Variants in CDH9 observed in about 807,000 individuals in gnomAD.
CDH9 encodes the protein cadherin-9.
In CDH9, 28 loss-of-function variants were observed where a neutral mutation model predicts 70.9. The ratio of observed to expected loss-of-function variants is 0.40; its 90% CI spans 0.29 to 0.54. CDH9 has a LOEUF of 0.54. Ranked by LOEUF, CDH9 falls within the 20% of genes least tolerant of loss-of-function variation. The probability of loss-of-function intolerance (pLI) is 0.59; values close to 1 mark genes in which losing one functional copy is unlikely to be tolerated. For synonymous variants in CDH9, 409 were observed against 343.1 expected (o/e 1.19, Z -2.12); for missense variants, 874 against 984.4 (o/e 0.89, Z 1.50).
intron 1 of CDH9, among the ~76,000 whole-genome samples, chr5:27,011,850 ATCTC>A (rs898472441): frequency 6.6e-5 from 10 of 151,978 alleles, no homozygotes; most frequent in African/African-American, 2.4e-4. Flanking sequence ...CAAGGCACCA[ATCTC>A]TCTCTCTGCC....
chr5:26,952,936 ACAGT>A (rs1741879784), intron 2 of CDH9, among the ~76,000 whole-genome samples: 2 of 151,086 alleles, frequency 1.3e-5, no homozygotes, highest in African/African-American at 2.4e-5. Context: ...TAAAGAGAAT[ACAGT>A]CAAAGTTGAA....
intron 1 of CDH9, among the ~76,000 whole-genome samples, chr5:27,009,583 T>C (rs1561039001): frequency 6.6e-6 from 1 of 152,088 alleles, no homozygotes; most frequent in African/African-American, 2.4e-5. Flanking sequence ...TTCATTAACC[T>C]CATTGGCCAG....
intron 2 of CDH9, among the ~76,000 whole-genome samples, chr5:26,918,764 T>C (rs1373559792): frequency 6.6e-6 from 1 of 152,202 alleles, no homozygotes; most frequent in Non-Finnish European, 1.5e-5. Flanking sequence ...TCAGACTCGA[T>C]GTGGAACTCA....
At chr5:26,910,374 T>C (rs1048589144) in intron 3 of CDH9, among the ~76,000 whole-genome samples, 2 of 152,194 alleles carry the variant, frequency 1.3e-5, no homozygotes, top group African/African-American at 4.8e-5. Flanking sequence ...ACAGATAGTA[T>C]AGAGAAGGGG....
At chr5:27,014,188 T>C (rs1203756684) in intron 1 of CDH9, among the ~76,000 whole-genome samples, 1 of 151,914 alleles carries the variant, frequency 6.6e-6, no homozygotes, top group African/African-American at 2.4e-5. Flanking sequence ...AAATAGAAAT[T>C]AATATACAAG....
chr5:26,932,642 C>T (rs1741482386), intron 2 of CDH9, among the ~76,000 whole-genome samples: 1 of 152,056 alleles, frequency 6.6e-6, no homozygotes, highest in Non-Finnish European at 1.5e-5. Context: ...CTATATTTGA[C>T]TTTATATTTA....
intron 7 of CDH9, among the ~76,000 whole-genome samples, chr5:26,901,814 A>T (rs958536332): frequency 6.6e-6 from 1 of 151,844 alleles, no homozygotes; most frequent in African/African-American, 2.4e-5. Flanking sequence ...AAAATGGTGA[A>T]AACTATTCAA....
intron 2 of CDH9, among the ~76,000 whole-genome samples, chr5:26,986,893 T>A (rs1332832155): frequency 1.3e-5 from 2 of 151,884 alleles, no homozygotes; most frequent in East Asian, 3.9e-4. Context: ...TGGGGCGGAA[T>A]GAGCATGACC....
At chr5:26,999,206 TC>T (rs1468075481) in intron 1 of CDH9, among the ~76,000 whole-genome samples, 3 of 151,636 alleles carry the variant, frequency 2.0e-5, no homozygotes, top group African/African-American at 7.3e-5. Context: ...GATCATGCCC[TC>T]CAGCCTGGTG....
rs543413014 is a variant in CDH9 at position 26,925,445 on chromosome 5, A to ATCAG, written c.229-9525_229-9522dup. Among the ~76,000 whole-genome samples the ATCAG allele has an allele frequency of 4.0e-3, 608 of 152,236 alleles. 7 individuals carry two copies. The highest frequency in any genetic ancestry group is 0.014 in the African/African-American group (583 of 41,534). On this transcript the variant is annotated intron_variant, in intron 2 of 11. Coordinates refer to ENST00000231021, the MANE Select transcript of CDH9 (RefSeq NM_016279.4). The stretch of plus-strand genomic sequence containing the variant: ...TTTAAGTTCTTTGTAGATTCTAGAT[A>ATCAG]TCAGCCCTTTGTCAGATGGGTAGAT...
Position 26,887,601 on chromosome 5 carries a change from AG to A in CDH9, c.1513-1519del, listed in dbSNP as rs201766048. ...GTAAAGAATATTTATATGTGATTGT[AG>A]GTTGACTTGTGTTCCCCCAAAATAT... On this transcript the variant is annotated intron_variant, in intron 9 of 11. Coordinates refer to ENST00000231021, the MANE Select transcript of CDH9 (RefSeq NM_016279.4). 6.1e-4 allele frequency among the ~76,000 whole-genome samples: 93 copies of A among 152,220 alleles called. 1 individual carries two copies. In the East Asian group the frequency reaches 0.016, roughly 26 times the overall value.
intron 7 of CDH9, among the ~76,000 whole-genome samples, chr5:26,898,018 A>T (rs1413324671): frequency 1.3e-5 from 2 of 152,136 alleles, no homozygotes; most frequent in Admixed American, 1.3e-4. Context: ...AAGCATTCCT[A>T]TACACCAATA....
chr5:26,915,115 C>T (rs1026805603), intron 3 of CDH9, among the ~76,000 whole-genome samples: 1 of 152,044 alleles, frequency 6.6e-6, no homozygotes, highest in Non-Finnish European at 1.5e-5. Flanking sequence ...GTTATTTGAT[C>T]TTAATTCAGT....
intron 11 of CDH9, among the ~76,000 whole-genome samples, chr5:26,883,920 G>A (rs992383154): frequency 7.9e-5 from 12 of 152,024 alleles, no homozygotes; most frequent in African/African-American, 2.2e-4. Flanking sequence ...ATTATTGTCA[G>A]TGCTATGTCA....
At chr5:26,952,172 C>T (rs1450819021) in intron 2 of CDH9, among the ~76,000 whole-genome samples, 2 of 149,542 alleles carry the variant, frequency 1.3e-5, no homozygotes, top group Admixed American at 6.7e-5. Context: ...CCTTGCTGGC[C>T]AGGCTGGTTT....
chr5:26,977,986 G>A (rs1421631484), intron 2 of CDH9, among the ~76,000 whole-genome samples: 1 of 151,978 alleles, frequency 6.6e-6, no homozygotes, highest in African/African-American at 2.4e-5. Context: ...ATAATAGCCT[G>A]CCTAGAAATT....
chr5:26,950,005 A>G (rs1432909242), intron 2 of CDH9, among the ~76,000 whole-genome samples: 1 of 152,182 alleles, frequency 6.6e-6, no homozygotes, highest in Non-Finnish European at 1.5e-5. Context: ...TGTTTGAATA[A>G]CTATGTTAAA....
At chr5:26,900,090 G>C (rs1740827651) in intron 7 of CDH9, among the ~76,000 whole-genome samples, 1 of 151,856 alleles carries the variant, frequency 6.6e-6, no homozygotes, top group South Asian at 2.1e-4. Context: ...ACTTAGATGA[G>C]ATTTACAAAT....
intron 2 of CDH9, among the ~76,000 whole-genome samples, chr5:26,920,809 G>T (rs1741231057): frequency 6.6e-6 from 1 of 152,190 alleles, no homozygotes; most frequent in African/African-American, 2.4e-5. Flanking sequence ...ATTCTCTTAT[G>T]CAGATATGGC....
Sources: allele counts gnomAD v4.1 joint callset (sites outside exome capture counted in the v4.1 genomes callset), GRCh38; gene constraint gnomAD v4.1.1; transcripts MANE v1.5; gene names NCBI Gene and HGNC (gene_info 2026-07-23, HGNC 2026-07-21).